The following ATXN3 variants were observed in gnomAD, a reference collection of about 807,000 sequenced individuals.
ATXN3 encodes the protein ataxin 3, also known as ataxin-3.
In ATXN3, 28 loss-of-function variants were observed where a neutral mutation model predicts 58.2. The ratio of observed to expected loss-of-function variants is 0.48; its 90% CI spans 0.36 to 0.66. ATXN3 has a LOEUF of 0.66. Ranked by LOEUF, ATXN3 falls within the 30% of genes least tolerant of loss-of-function variation. The pLI, the probability that ATXN3 is intolerant of heterozygous loss-of-function variation, is 0.00. For synonymous variants in ATXN3, 113 were observed against 138.5 expected, an observed-to-expected ratio of 0.82 and a Z score of 1.29; for missense variants, 321 against 422.1, an observed-to-expected ratio of 0.76 and a Z score of 2.10.
chr14:92,055,529 C>T (rs564129272), downstream of ATXN3, among the ~76,000 whole-genome samples: 1 of 152,278 alleles, frequency 6.6e-6, no homozygotes, highest in South Asian at 2.1e-4. The surrounding 1 kb of genome is among the most constrained non-coding windows in gnomAD (Gnocchi z 4.5). Flanking sequence ...CCTCAACCAT[C>T]CCCCGGCAAC....
rs1179316146 is a variant in ATXN3, at chr14:92,059,817, C to CAGAA, written c.*4499_*4502dup. The CAGAA allele has an allele frequency of 8.6e-6, 1 of 116,884 alleles. No homozygotes were observed. Among genetic ancestry groups the CAGAA allele is most frequent in the Non-Finnish European group, 1.7e-5 (1 of 58,566 alleles). 7.2% of individuals were successfully genotyped at this position (116,884 alleles called of 1,614,324 possible). On this transcript the variant is annotated 3_prime_UTR_variant, in exon 11 of 11. Transcript: ENST00000644486. Reference sequence around the variant, plus strand: ...TGGGCAGCAGAGCTAGACTCCGTCTCAGAAAAAAAAAAAAAGAAAGAAAGA... The same window carrying CAGAA: ...TGGGCAGCAGAGCTAGACTCCGTCTCAGAAAGAAAAAAAAAAAAAGAAAGAAAGA...
At chr14:92,070,638 GAA>G in intron 10 of ATXN3, 1 of 769,322 alleles carries the variant, frequency 1.3e-6, no homozygotes, top group East Asian at 2.9e-5. Flanking sequence ...AAATTACTGT[GAA>G]GTTTAAATTA....
intron 9 of ATXN3, among the ~76,000 whole-genome samples, chr14:92,075,156 G>GTTT (rs376552690): frequency 2.2e-3 from 241 of 111,350 alleles, no homozygotes; most frequent in Non-Finnish European, 3.0e-3. Context: ...GTAATAGGGA[G>GTTT]TTTTTTTTTT....
chr14:92,080,586 G>C (rs1224699702), intron 9 of ATXN3: 1 of 269,634 alleles, frequency 3.7e-6, no homozygotes, highest in South Asian at 3.8e-5. Flanking sequence ...CAGTCTGGAG[G>C]GCAGTGGTGC....
intron 9 of ATXN3, 130 bp downstream of exon 9, chr14:92,080,835 C>T: frequency 2.4e-6 from 2 of 828,454 alleles, no homozygotes; most frequent in Non-Finnish European, 4.0e-6. Context: ...CGTGCCCGTC[C>T]TATTTGCTGT....
At chr14:92,085,375 A>G (rs2062219259) in intron 6 of ATXN3, among the ~76,000 whole-genome samples, 1 of 151,854 alleles carries the variant, frequency 6.6e-6, no homozygotes, top group Non-Finnish European at 1.5e-5. Flanking sequence ...TTTGGTAGAG[A>G]CAGGGTTTCA....
At chr14:92,105,579 A>G (rs1346862581) in intron 1 of ATXN3, among the ~76,000 whole-genome samples, 1 of 152,234 alleles carries the variant, frequency 6.6e-6, no homozygotes, top group Non-Finnish European at 1.5e-5. Context: ...CTCCTATTAA[A>G]TAACAGCCTT....
intron 2 of ATXN3, 39 bp from the exon 3 acceptor site, chr14:92,096,176 T>C (rs540961626): frequency 8.5e-7 from 1 of 1,179,822 alleles, no homozygotes; most frequent in East Asian, 3.1e-5. Context: ...AGGGTGGGGG[T>C]GGGGAAAGAA....
In ATXN3 at chr14:92,084,258, G is replaced by A. The variant is rs2061974699; in HGVS notation, c.476-1000C>T. The stretch of plus-strand genomic sequence containing the variant: ...ATACACTTACTCACAGGGCTGCTGT[G>A]AGGACACAGATAATGTGTGCAATAA... On this transcript the variant is annotated intron_variant, in intron 6 of 10. Coordinates refer to ENST00000644486, the MANE Select transcript of ATXN3 (RefSeq NM_004993.6). Among the ~76,000 whole-genome samples, 3 of 152,182 alleles carry A rather than the reference G, an allele frequency of 2.0e-5. No homozygotes were observed. In the South Asian group the frequency reaches 6.2e-4, roughly 31 times the overall value.
intron 1 of ATXN3, among the ~76,000 whole-genome samples, chr14:92,100,969 A>C (rs1045595280): frequency 6.6e-6 from 1 of 152,242 alleles, no homozygotes; most frequent in African/African-American, 2.4e-5. Flanking sequence ...TATGGTCACC[A>C]TACTTAATAC....
At chr14:92,058,275 A>T (rs1397343231), downstream of ATXN3, 1 of 152,254 alleles carries the variant, frequency 6.6e-6, no homozygotes, top group Non-Finnish European at 1.5e-5. Flanking sequence ...CTGATTCAGT[A>T]GGTCCGAGTG....
At chr14:92,101,813 G>A (rs568989459) in intron 1 of ATXN3, among the ~76,000 whole-genome samples, 10 of 152,214 alleles carry the variant, frequency 6.6e-5, no homozygotes, top group African/African-American at 2.4e-4. Context: ...AGCTGAGATT[G>A]CACCACTGCA....
intron 9 of ATXN3, chr14:92,071,553 C>T (rs905034487): frequency 2.2e-5 from 7 of 315,386 alleles, no homozygotes; most frequent in African/African-American, 6.5e-5. Context: ...GCCAAGATCG[C>T]GCCACTGCAC....
At chr14:92,050,103 C>G (rs1027072658), upstream of ATXN3, among the ~76,000 whole-genome samples, 6 of 151,596 alleles carry the variant, frequency 4.0e-5, no homozygotes, top group South Asian at 1.2e-3. Context: ...GATGTGATGT[C>G]TTGGATGTGC....
Position 92,082,324 on chromosome 14 carries a change from T to C in ATXN3, c.751A>G (p.Arg251Gly), listed in dbSNP as rs149131253. Reference protein sequence around the residue: ...DMEDEEADLRRAIQLSMQGSS... With the variant: ...DMEDEEADLRGAIQLSMQGSS... Reference sequence around the variant, plus strand: ...CCTTGCATACTTAGCTGAATAGCCCTGCGGAGATCTGCTTCCTCATCTTCC... The same window carrying C: ...CCTTGCATACTTAGCTGAATAGCCCCGCGGAGATCTGCTTCCTCATCTTCC... The change falls in exon 8 of 11, where the codon AGG (arginine) becomes GGG (glycine). Residue 251 changes from arginine (R) to glycine (G), a missense_variant. By Grantham distance (125) the Arg-to-Gly change is moderately radical. Around this residue, in one of 2 missense-constraint regions of ATXN3, gnomAD observed 200 missense variants for 223.2 expected, o/e 0.90. Coordinates refer to ENST00000644486, the MANE Select transcript of ATXN3 (RefSeq NM_004993.6). 3 of 1,614,048 alleles carry C rather than the reference T, an allele frequency of 1.9e-6. No individual in the cohort carries two copies. The highest frequency in any genetic ancestry group is 2.7e-5 in the African/African-American group (2 of 74,938).
At chr14:92,081,919 T>C (rs772207846) in intron 8 of ATXN3, among the ~76,000 whole-genome samples, 2 of 152,242 alleles carry the variant, frequency 1.3e-5, no homozygotes, top group Non-Finnish European at 2.9e-5. Flanking sequence ...CCAATAAATG[T>C]TGGGTTTTTG....
chr14:92,064,487 A>G, intron 10 of ATXN3, 73 bp from the exon 11 acceptor site: 1 of 1,095,270 alleles, frequency 9.1e-7, no homozygotes, highest in Admixed American at 2.1e-5. Flanking sequence ...GCAAGTTCTC[A>G]GAAAATGTAT....
intron 2 of ATXN3, among the ~76,000 whole-genome samples, chr14:92,046,784 G>A (rs566270720): frequency 2.6e-5 from 4 of 152,308 alleles, no homozygotes; most frequent in South Asian, 4.1e-4. Context: ...TTTTGTAGAA[G>A]GTGTTGGGGT....
chr14:92,047,765 A>C (rs2057433892), intron 2 of ATXN3: 1 of 152,100 alleles, frequency 6.6e-6, no homozygotes, highest in Non-Finnish European at 1.5e-5. Context: ...AGAGTGGGGG[A>C]GTTTTAAGGG....
Sources: allele counts gnomAD v4.1 joint callset (sites outside exome capture counted in the v4.1 genomes callset), GRCh38; gene constraint gnomAD v4.1.1; regional missense constraint gnomAD v4.1.1; non-coding constraint Gnocchi (gnomAD v3.1); transcripts MANE v1.5; gene names NCBI Gene and HGNC (gene_info 2026-07-23, HGNC 2026-07-21).